OLFM1: variants seen among roughly 807,000 people sequenced by gnomAD.
OLFM1 encodes the protein noelin.
A neutral mutation model predicts 49.7 loss-of-function variants in OLFM1; 9 were observed. The observed-to-expected ratio is 0.18, with a 90% CI of 0.11 to 0.32. The LOEUF (loss-of-function observed/expected upper bound fraction) is 0.32. OLFM1 is among the 10% of genes least tolerant of loss of function. The probability of loss-of-function intolerance (pLI) is 1.00; values close to 1 mark genes in which losing one functional copy is unlikely to be tolerated. For synonymous variants in OLFM1, 240 were observed against 271.8 expected (o/e 0.88, Z 1.15); for missense variants, 369 against 661.8 (o/e 0.56, Z 4.85).
rs371717045 is a variant in OLFM1 at position 135,090,191 on chromosome 9, C to A, written c.151-4C>A. On this transcript the variant is annotated splice_region_variant and splice_polypyrimidine_tract_variant and intron_variant, in intron 1 of 5. Transcript: ENST00000371793. ...CTCTCCCTTCCCGCCCCGCCCCTCT[C>A]CAGGTGCTGCCCACCAACCCTGAGG... 3.7e-6 allele frequency: 6 copies of A among 1,605,540 alleles called. No homozygotes were observed. The highest frequency in any genetic ancestry group is 3.3e-5 in the Admixed American group (2 of 59,872).
chr9:135,076,248 A>T, intron 1 of OLFM1: 1 of 1,550,548 alleles, frequency 6.4e-7, no homozygotes, highest in Non-Finnish European at 8.7e-7. Flanking sequence ...CTTTGGGCAT[A>T]ACGCTGCCCT....
At chr9:135,076,080 G>T in intron 1 of OLFM1, 2 of 1,502,624 alleles carry the variant, frequency 1.3e-6, no homozygotes, top group South Asian at 2.6e-5. Flanking sequence ...CCGACTCCCT[G>T]CTGAGAAGTT....
Position 135,088,130 on chromosome 9 carries a change from C to T in OLFM1, c.141C>T (p.Arg47=). 9 of 1,380,862 alleles carry T rather than the reference C, an allele frequency of 6.5e-6. No individual in the cohort carries two copies. The highest frequency in any genetic ancestry group is 8.6e-6 in the Non-Finnish European group (9 of 1,050,486). 85.5% of individuals were successfully genotyped at this position (1,380,862 alleles called of 1,614,324 possible). ...LSAAGGGTLD[R]STGVLPTNPE... ...CGGCCGGCGGCGGGACGCTGGACCG[C>T]AGCACCGGCGTAAGTGCGCCCGCCG... is the stretch of plus-strand genomic sequence containing the variant. Residue 47 remains arginine (R), a synonymous_variant, in exon 1 of 6, where the codon CGC becomes CGT. Transcript: ENST00000371793. The surrounding 1 kb of genome is among the most constrained non-coding windows in gnomAD (Gnocchi z 4.8).
In OLFM1 at chr9:135,077,120, C is replaced by G. The variant is rs1405960995; in HGVS notation, c.96+1318C>G. Reference sequence around the variant, plus strand: ...CCTGGTGGAGGGTGGTGGTTGTGCACTGTTGCTGGACAGATGCATTCATTC... The same window carrying G: ...CCTGGTGGAGGGTGGTGGTTGTGCAGTGTTGCTGGACAGATGCATTCATTC... On this transcript the variant is annotated intron_variant, in intron 1 of 5. Coordinates refer to the OLFM1 transcript ENST00000252854. 2.6e-6 allele frequency: 4 copies of G among 1,550,444 alleles called. No homozygotes were observed. The South Asian group carries it at 4.8e-5, about 18-fold the overall frequency.
At chr9:135,081,973 G>C (rs900163924) in intron 1 of OLFM1, among the ~76,000 whole-genome samples, 3 of 152,186 alleles carry the variant, frequency 2.0e-5, no homozygotes, top group African/African-American at 7.2e-5. Flanking sequence ...ACCCGTCCTC[G>C]TGTGTGGCTG....
chr9:135,103,138 T>C lies in OLFM1; in HGVS notation c.677-3611T>C, dbSNP rs1243331205. 3.9e-5 allele frequency among the ~76,000 whole-genome samples: 6 copies of C among 152,188 alleles called. No homozygotes were observed. In the East Asian group the frequency reaches 1.2e-3, roughly 29 times the overall value. ...GGCCTTCCTAGGAGAGAGAGCCCGT[T>C]TGGGCCATTTCCTGAGCCTCCAACA... is the stretch of plus-strand genomic sequence containing the variant. On this transcript the variant is annotated intron_variant, in intron 4 of 5. Coordinates refer to ENST00000371793, the MANE Select transcript of OLFM1 (RefSeq NM_001282611.2).
exon 1 of OLFM1, chr9:135,075,691 G>T: frequency 6.4e-7 from 1 of 1,568,730 alleles, no homozygotes. Context: ...CGGCCGGCCA[G>T]CACCCAGGGC....
At chr9:135,099,786 G>T (rs1424274306) in intron 4 of OLFM1, among the ~76,000 whole-genome samples, 1 of 152,208 alleles carries the variant, frequency 6.6e-6, no homozygotes, top group Non-Finnish European at 1.5e-5. Context: ...TATGACAGTG[G>T]CTGGGTGATC....
In OLFM1 at chr9:135,118,965, A is replaced by AATGCTCGCCGGGTTTTTGGC. The variant is rs1177906449; in HGVS notation, c.784-526_784-525insTTTTGGCATGCTCGCCGGGT. ...TGGAAGTGCTCACTGGGTCTTTGGA[A>AATGCTCGCCGGGTTTTTGGC]ATGCTCGCCGGGTCTTTGGCATGCT... On this transcript the variant is annotated intron_variant, in intron 5 of 5. Transcript: ENST00000371793. Among the ~76,000 whole-genome samples the AATGCTCGCCGGGTTTTTGGC allele has an allele frequency of 2.3e-5, 3 of 132,886 alleles. No individual in the cohort carries two copies. In the East Asian group the frequency reaches 7.1e-4, roughly 31 times the overall value. 87.2% of individuals were successfully genotyped at this position (132,886 alleles called of 152,430 possible).
chr9:135,117,495 C>T lies in OLFM1; in HGVS notation c.784-2009C>T, dbSNP rs1250788050. 6.6e-6 allele frequency among the ~76,000 whole-genome samples: 1 copy of T among 152,154 alleles called. No individual in the cohort carries two copies. Among genetic ancestry groups the T allele is most frequent in the East Asian group, 1.9e-4 (1 of 5,180 alleles). ...GTCTTGTTGGGATATGGGAGCTGGC[C>T]CGCCCCGGTGACTTTGAGAGTCGAT... On this transcript the variant is annotated intron_variant, in intron 5 of 5. Coordinates refer to ENST00000371793, the MANE Select transcript of OLFM1 (RefSeq NM_001282611.2). The surrounding 1 kb of genome is among the most constrained non-coding windows in gnomAD (Gnocchi z 5.5).
At chr9:135,108,017 T>G (rs2119131920) in intron 5 of OLFM1, among the ~76,000 whole-genome samples, 1 of 152,266 alleles carries the variant, frequency 6.6e-6, no homozygotes, top group Admixed American at 6.5e-5. Flanking sequence ...TGCTAGAGCC[T>G]GTTGCATGTG....
chr9:135,091,426 CACAA>C (rs1298596414), intron 2 of OLFM1, among the ~76,000 whole-genome samples: 13 of 151,710 alleles, frequency 8.6e-5, no homozygotes, highest in Admixed American at 3.3e-4. Context: ...CACGCACACT[CACAA>C]ACACACTCAC....
chr9:135,087,739 G>T lies in OLFM1; in HGVS notation c.-251G>T. The stretch of plus-strand genomic sequence containing the variant: ...CGCAGCCGGGCAAGGCAGGGCGCAG[G>T]GCGGGCGGCGCGAGGCGCAGGGCGC... On this transcript the variant is annotated 5_prime_UTR_variant, in exon 1 of 6. Coordinates refer to ENST00000371793, the MANE Select transcript of OLFM1 (RefSeq NM_001282611.2). The T allele has an allele frequency of 2.5e-6, 1 of 402,360 alleles. No homozygotes were observed. The highest frequency in any genetic ancestry group is 9.5e-5 in the South Asian group (1 of 10,532). The allele number at this position is 402,360 out of a possible 1,614,324, so 24.9% of individuals were successfully genotyped here.
At chr9:135,090,685 C>T (rs566957975) in intron 2 of OLFM1, among the ~76,000 whole-genome samples, 2 of 151,972 alleles carry the variant, frequency 1.3e-5, no homozygotes, top group Non-Finnish European at 1.5e-5. Flanking sequence ...CATGGTGAGA[C>T]GGGACACAAG....
chr9:135,105,289 G>T (rs1213595354), intron 4 of OLFM1, among the ~76,000 whole-genome samples: 1 of 152,232 alleles, frequency 6.6e-6, no homozygotes, highest in East Asian at 1.9e-4. Flanking sequence ...CGGGGCCTTG[G>T]AGCAATGCAG....
rs996242968 is a variant in OLFM1, at chr9:135,120,368, G to A, written c.*190G>A. The A allele has an allele frequency of 5.7e-5, 35 of 616,040 alleles. No individual in the cohort carries two copies. The highest frequency in any genetic ancestry group is 2.8e-4 in the African/African-American group (15 of 54,052). 38.2% of individuals were successfully genotyped at this position (616,040 alleles called of 1,614,324 possible). On this transcript the variant is annotated 3_prime_UTR_variant, in exon 6 of 6. Coordinates refer to ENST00000371793, the MANE Select transcript of OLFM1 (RefSeq NM_001282611.2). The stretch of plus-strand genomic sequence containing the variant: ...TTCGAGCCGGCGGGCCACAGACGTC[G>A]GAAGAAACTCCCGTATTTGCAGCTG...
At chr9:135,118,794 TGTCTTTGGAGTGCTCGCC>T (rs1564282457) in intron 5 of OLFM1, among the ~76,000 whole-genome samples, 13 of 87,460 alleles carry the variant, frequency 1.5e-4, no homozygotes, top group Non-Finnish European at 2.4e-4. Context: ...GTGCTCGCCG[TGTCTTTGGAGTGCTCGCC>T]GGGTCTTTGG....
chr9:135,081,348 C>G (rs1830529420), intron 1 of OLFM1, among the ~76,000 whole-genome samples: 1 of 152,198 alleles, frequency 6.6e-6, no homozygotes, highest in South Asian at 2.1e-4. Flanking sequence ...GCTGGTGCTG[C>G]TGCCGGGTCG....
At chr9:135,090,055 A>T in intron 1 of OLFM1, 140 bp from the exon 2 acceptor site, 1 of 781,112 alleles carries the variant, frequency 1.3e-6, no homozygotes, top group Non-Finnish European at 2.0e-6. Context: ...TTTGGGTCAA[A>T]CATGTCTTGG....
Sources: gnomAD v4.1 joint callset for allele counts (sites outside exome capture counted in the v4.1 genomes callset) on GRCh38, gnomAD v4.1.1 for gene constraint, Gnocchi (gnomAD v3.1) non-coding constraint, MANE v1.5 for transcripts, NCBI Gene and HGNC (gene_info 2026-07-23, HGNC 2026-07-21) for gene names.